Variants in ICE2 observed in about 807,000 individuals in gnomAD.
ICE2 encodes interactor of little elongation complex ELL subunit 2, also known as little elongation complex subunit 2.
A neutral mutation model predicts 105.4 loss-of-function variants in ICE2; 87 were observed. The ratio of observed to expected loss-of-function variants is 0.83; its 90% confidence interval spans 0.69 to 0.99. The LOEUF (loss-of-function observed/expected upper bound fraction) is 0.99, where lower values mean the gene tolerates loss of function less well. Among genes scored for constraint, ICE2 ranks in the 50% least tolerant of loss-of-function variants. The pLI is 0.00. For missense variants in ICE2, 1,323 were observed against 1,146.7 expected, an observed-to-expected ratio of 1.15 and a Z score of -2.22; for synonymous variants, 399 against 392.0, an observed-to-expected ratio of 1.02 and a Z score of -0.21.
At position 60,423,585 on chromosome 15, in the gene ICE2, A is replaced by C; in HGVS notation, c.*49T>G. On this transcript the variant is annotated 3_prime_UTR_variant, in exon 16 of 16. Transcript: ENST00000261520. ...TTTTCCCTCAAACTTATCTAAATTA[A>C]ACACTGTTATAACTGTTTTTTTAAA... 2 of 1,520,420 alleles carry C rather than the reference A, an allele frequency of 1.3e-6. No homozygotes were observed. Among genetic ancestry groups the C allele is most frequent in the Non-Finnish European group, 1.8e-6 (2 of 1,133,262 alleles). The allele number at this position is 1,520,420 out of a possible 1,614,324, so 94.2% of individuals were successfully genotyped here.
chr15:60,459,294 A>G (rs1044624403), intron 5 of ICE2, among the ~76,000 whole-genome samples: 2 of 152,240 alleles, frequency 1.3e-5, no homozygotes, highest in Admixed American at 6.5e-5. Context: ...AAGAAAAGAC[A>G]GAAGCCCTAA....
intron 5 of ICE2, 100 bp downstream of exon 5, chr15:60,466,494 C>G (rs747629371): frequency 7.2e-7 from 1 of 1,379,982 alleles, no homozygotes; most frequent in African/African-American, 1.5e-5. Context: ...ATTGGTAACA[C>G]TGACAGTTCC....
chr15:60,442,271 C>A (rs955991830), intron 12 of ICE2, 145 bp downstream of exon 12: 1 of 686,344 alleles, frequency 1.5e-6, no homozygotes. Flanking sequence ...CCAGCCTGGG[C>A]AACAGAATGA....
At chr15:60,435,836 C>T (rs35392173) in intron 13 of ICE2, among the ~76,000 whole-genome samples, 15,953 of 151,916 alleles carry the variant, frequency 0.11, 960 homozygotes, top group Middle Eastern at 0.21. Flanking sequence ...ATGAGCTGGG[C>T]ATGCTGGTGC....
At chr15:60,441,567 T>A (rs900130823) in intron 12 of ICE2, 24 of 152,100 alleles carry the variant, frequency 1.6e-4, no homozygotes, top group African/African-American at 5.8e-4. Context: ...GAGAATAAAG[T>A]ACAAAGTAAC....
intron 2 of ICE2, among the ~76,000 whole-genome samples, chr15:60,476,468 G>C (rs2064765084): frequency 2.0e-5 from 3 of 152,192 alleles, no homozygotes; most frequent in African/African-American, 7.2e-5. Flanking sequence ...AGATAGAAAA[G>C]ACTGAAGTAT....
chr15:60,462,723 C>G (rs1442377357), intron 5 of ICE2, among the ~76,000 whole-genome samples: 1 of 152,094 alleles, frequency 6.6e-6, no homozygotes, highest in Non-Finnish European at 1.5e-5. Flanking sequence ...CTCTGGCTCT[C>G]GCTCTCCCTC....
Position 60,431,792 on chromosome 15 carries a change from T to C in ICE2, c.2561+142A>G, listed in dbSNP as rs186676239. 1,248 of 500,258 alleles carry C rather than the reference T, an allele frequency of 2.5e-3. 11 individuals carry two copies. The highest frequency in any genetic ancestry group is 5.0e-4 in the Non-Finnish European group (139 of 277,258). The allele number at this position is 500,258 out of a possible 1,614,324, so 31.0% of individuals were successfully genotyped here. ...TAAATTACTTTATATTTTTACAATA[T>C]AAATGTTTACATTTGACATAATAAT... is the stretch of plus-strand genomic sequence containing the variant. On this transcript the variant is annotated intron_variant, in intron 14 of 15. Transcript: ENST00000261520.
rs1047955912 is a variant in ICE2, at chr15:60,453,673, G to A, written c.1055C>T (p.Ser352Phe). ...FHEVPLKFMM[S>F]KNTSVPVSAV... Reference sequence around the variant, plus strand: ...AGAGACTGGAACAGATGTGTTTTTGGACATCATAAATTTTAATGGAACTTC... The same window carrying A: ...AGAGACTGGAACAGATGTGTTTTTGAACATCATAAATTTTAATGGAACTTC... The change falls in exon 9 of 16, where the codon TCC becomes TTC. Residue 352 changes from serine to phenylalanine, a missense_variant. Ser to Phe is a radical substitution (Grantham distance 155). Transcript: ENST00000261520. 1.1e-5 allele frequency: 18 copies of A among 1,613,540 alleles called. No individual in the cohort carries two copies. The highest frequency in any genetic ancestry group is 1.5e-5 in the Non-Finnish European group (18 of 1,179,584).
intron 12 of ICE2, chr15:60,439,094 T>A (rs2063660840): frequency 6.6e-6 from 1 of 152,232 alleles, no homozygotes; most frequent in Non-Finnish European, 1.5e-5. Flanking sequence ...TTGCATGCAG[T>A]GTGAGGACCA....
chr15:60,450,255 T>C (rs1278377227), intron 9 of ICE2, among the ~76,000 whole-genome samples: 1 of 152,202 alleles, frequency 6.6e-6, no homozygotes, highest in Non-Finnish European at 1.5e-5. Context: ...AAAGTCCCTC[T>C]GCCACTGTGA....
chr15:60,470,465 A>G (rs1253011155), intron 3 of ICE2, among the ~76,000 whole-genome samples: 2 of 152,176 alleles, frequency 1.3e-5, no homozygotes, highest in African/African-American at 2.4e-5. Context: ...GGGGGGAATT[A>G]AAGGCATTCA....
chr15:60,439,302 C>T (rs535223832), intron 12 of ICE2: 11 of 152,274 alleles, frequency 7.2e-5, no homozygotes, highest in African/African-American at 2.4e-4. Flanking sequence ...CTTCATGAAA[C>T]GTTAATGAAG....
chr15:60,429,077 TAG>T (rs1234778253), intron 14 of ICE2, among the ~76,000 whole-genome samples: 1 of 152,064 alleles, frequency 6.6e-6, no homozygotes, highest in African/African-American at 2.4e-5. Flanking sequence ...TACCTAATAA[TAG>T]ATAGATGACT....
intron 5 of ICE2, 43 bp from the exon 6 acceptor site, chr15:60,456,837 A>G (rs1708585962): frequency 7.6e-7 from 1 of 1,310,806 alleles, no homozygotes; most frequent in Non-Finnish European, 1.0e-6. Context: ...TATTTCTCTA[A>G]TAATGCAAAA....
At chr15:60,425,595 C>T (rs2063323548) in intron 15 of ICE2, among the ~76,000 whole-genome samples, 1 of 152,192 alleles carries the variant, frequency 6.6e-6, no homozygotes, top group African/African-American at 2.4e-5. Flanking sequence ...GCAGGCTCTA[C>T]TGGCATATCT....
chr15:60,455,908 A>G (rs1391673757), intron 6 of ICE2, among the ~76,000 whole-genome samples: 1 of 152,006 alleles, frequency 6.6e-6, no homozygotes, highest in African/African-American at 2.4e-5. Flanking sequence ...GTGAGCCATC[A>G]TACCAGGCCA....
At chr15:60,436,467 C>T (rs2063589559) in intron 12 of ICE2, among the ~76,000 whole-genome samples, 1 of 151,858 alleles carries the variant, frequency 6.6e-6, no homozygotes, top group Non-Finnish European at 1.5e-5. Context: ...TATATGTTTA[C>T]ACATGTCCAC....
chr15:60,453,095 G>A, intron 9 of ICE2: 1 of 591,596 alleles, frequency 1.7e-6, no homozygotes, highest in Non-Finnish European at 2.1e-6. Flanking sequence ...AGCTGGGTAT[G>A]GTGGTGCACA....
Sources: gnomAD v4.1 joint callset for allele counts (sites outside exome capture counted in the v4.1 genomes callset) on GRCh38, gnomAD v4.1.1 for gene constraint, MANE v1.5 for transcripts, NCBI Gene and HGNC (gene_info 2026-07-23, HGNC 2026-07-21) for gene names.